The following CNTN5 variants were observed in gnomAD, a reference collection of about 807,000 sequenced individuals.
CNTN5 encodes the protein contactin-5.
CNTN5 carries 77 observed loss-of-function variants against 129.1 expected under a neutral mutation model. The observed-to-expected ratio is 0.60, with a 90% CI of 0.50 to 0.72. The LOEUF (loss-of-function observed/expected upper bound fraction) is 0.72. CNTN5 is among the 30% of genes least tolerant of loss of function. The pLI is 0.00. For synonymous variants in CNTN5, 509 were observed against 465.6 expected, an observed-to-expected ratio of 1.09 and a Z score of -1.20; for missense variants, 1,478 against 1,328.8, an observed-to-expected ratio of 1.11 and a Z score of -1.75.
At chr11:99,671,854 G>A (rs1331560017) in intron 3 of CNTN5, among the ~76,000 whole-genome samples, 1 of 152,106 alleles carries the variant, frequency 6.6e-6, no homozygotes, top group Non-Finnish European at 1.5e-5. Context: ...CCCTCTCCAA[G>A]TTAAAGAAAT....
chr11:100,102,069 A>C (rs112625234), intron 13 of CNTN5, among the ~76,000 whole-genome samples: 2,090 of 152,068 alleles, frequency 0.014, 31 homozygotes, highest in East Asian at 0.042. Flanking sequence ...ATAATGACTT[A>C]TTTTCCTTTG....
At chr11:99,205,276 A>G (rs1337247812) in intron 1 of CNTN5, among the ~76,000 whole-genome samples, 8 of 152,134 alleles carry the variant, frequency 5.3e-5, no homozygotes, top group African/African-American at 1.9e-4. Flanking sequence ...TTAGCAAATC[A>G]TATTTCTCAT....
chr11:99,857,034 C>T (rs1948059604), intron 6 of CNTN5, among the ~76,000 whole-genome samples: 2 of 150,856 alleles, frequency 1.3e-5, no homozygotes, highest in African/African-American at 2.4e-5. Flanking sequence ...ATCTCTATCT[C>T]CCTCTCTCTC....
rs1565375154 is a variant in CNTN5 at position 100,255,447 on chromosome 11, G to T, written c.2006-313G>T. ...TGTAAACTGATTGATTTCAGCAGCT[G>T]CATTTGATACTGGCATTCACATCTT... On this transcript the variant is annotated intron_variant, in intron 16 of 24. Transcript: ENST00000524871. 2.0e-5 allele frequency among the ~76,000 whole-genome samples: 3 copies of T among 152,092 alleles called. No individual in the cohort carries two copies. In the East Asian group the frequency reaches 5.8e-4, roughly 29 times the overall value.
chr11:99,146,690 T>C (rs1859800369), intron 1 of CNTN5, among the ~76,000 whole-genome samples: 1 of 152,186 alleles, frequency 6.6e-6, no homozygotes, highest in African/African-American at 2.4e-5. Flanking sequence ...TCCATATTTA[T>C]TTACAATGAG....
intron 1 of CNTN5, among the ~76,000 whole-genome samples, chr11:99,260,956 G>T (rs1862598515): frequency 6.6e-6 from 1 of 151,856 alleles, no homozygotes; most frequent in Non-Finnish European, 1.5e-5. Context: ...GAATGGTATT[G>T]CATAGCTACT....
intron 2 of CNTN5, among the ~76,000 whole-genome samples, chr11:99,482,997 A>G (rs906861704): frequency 6.6e-6 from 1 of 151,926 alleles, no homozygotes; most frequent in Non-Finnish European, 1.5e-5. Context: ...AATATGGTTA[A>G]AGCCTGTCTC....
rs1947008007 is a variant in CNTN5 at position 100,150,186 on chromosome 11, A to T, written c.1581-40940A>T. On this transcript the variant is annotated intron_variant, in intron 13 of 24. Coordinates refer to ENST00000524871, the MANE Select transcript of CNTN5 (RefSeq NM_014361.4). ...AGGTAATTTATCACCTATAGAGAGA[A>T]GATTTTTCTCAATTAAATATATTAT... 2.0e-5 allele frequency among the ~76,000 whole-genome samples: 3 copies of T among 152,166 alleles called. No homozygotes were observed. In the South Asian group the frequency reaches 6.2e-4, roughly 32 times the overall value.
intron 2 of CNTN5, among the ~76,000 whole-genome samples, chr11:99,537,962 G>A (rs207472251): frequency 2.0e-5 from 3 of 152,166 alleles, no homozygotes; most frequent in African/African-American, 7.2e-5. Context: ...CATTGAAAAT[G>A]TGAAGTGTGG....
At chr11:100,288,644 C>A (rs1189868258) in intron 18 of CNTN5, among the ~76,000 whole-genome samples, 3 of 151,514 alleles carry the variant, frequency 2.0e-5, no homozygotes, top group Non-Finnish European at 4.4e-5. Flanking sequence ...TAAATGCCCA[C>A]AAGAGAAAGC....
At chr11:99,769,884 C>A (rs541948680) in intron 3 of CNTN5, among the ~76,000 whole-genome samples, 1 of 151,288 alleles carries the variant, frequency 6.6e-6, no homozygotes, top group African/African-American at 2.4e-5. Context: ...ATGGTATAGA[C>A]AAACAGCCTT....
chr11:100,223,690 C>A (rs970706957), intron 15 of CNTN5, among the ~76,000 whole-genome samples: 2 of 151,916 alleles, frequency 1.3e-5, no homozygotes, highest in Admixed American at 1.3e-4. Context: ...TTTTTGAGTT[C>A]TTTGATGTCA....
rs377243419 is a variant in CNTN5 at position 99,735,240 on chromosome 11, T to C, written c.56-84304T>C. Among the ~76,000 whole-genome samples the C allele has an allele frequency of 4.6e-5, 7 of 152,130 alleles. No individual in the cohort carries two copies. The East Asian group carries it at 1.2e-3, about 25-fold the overall frequency. On this transcript the variant is annotated intron_variant, in intron 3 of 24. Transcript: ENST00000524871. The stretch of plus-strand genomic sequence containing the variant: ...CTCCTGAAAATCCCAATGAAGGATT[T>C]TTATCAGAATTCACCTTCCTGTAAA...
chr11:99,137,609 G>C (rs985225033), intron 1 of CNTN5, among the ~76,000 whole-genome samples: 6 of 152,072 alleles, frequency 3.9e-5, no homozygotes, highest in African/African-American at 1.4e-4. Context: ...TTATCTAAAG[G>C]TATAAGTATT....
chr11:99,824,537 A>G lies in CNTN5; in HGVS notation c.277+4772A>G, dbSNP rs188745709. Reference sequence around the variant, plus strand: ...TTGCGGATATATTTTCTCAGAATGTAACTTAACTTTTTACTTTGTCAGTAG... The same window carrying G: ...TTGCGGATATATTTTCTCAGAATGTGACTTAACTTTTTACTTTGTCAGTAG... On this transcript the variant is annotated intron_variant, in intron 4 of 24. Transcript: ENST00000524871. 6.5e-3 allele frequency among the ~76,000 whole-genome samples: 994 copies of G among 152,090 alleles called. 7 individuals are homozygous for G. Among genetic ancestry groups the G allele is most frequent in the Non-Finnish European group, 9.1e-3 (617 of 67,846 alleles).
At chr11:99,266,302 C>A (rs1211117330) in intron 1 of CNTN5, among the ~76,000 whole-genome samples, 1 of 152,036 alleles carries the variant, frequency 6.6e-6, no homozygotes, top group Non-Finnish European at 1.5e-5. Flanking sequence ...GAGATGATTT[C>A]AAGTATAGAG....
chr11:99,782,975 A>G (rs1250135394), intron 3 of CNTN5, among the ~76,000 whole-genome samples: 1 of 151,748 alleles, frequency 6.6e-6, no homozygotes, highest in Non-Finnish European at 1.5e-5. Context: ...AAAATTGACA[A>G]ATGGGATCTA....
chr11:99,382,654 T>C (rs1002823842), intron 2 of CNTN5, among the ~76,000 whole-genome samples: 1 of 151,980 alleles, frequency 6.6e-6, no homozygotes, highest in Admixed American at 6.6e-5. Context: ...TGACTTGAAC[T>C]CCTGAGACTT....
chr11:99,846,314 C>T (rs558680141), intron 6 of CNTN5, among the ~76,000 whole-genome samples: 3 of 141,152 alleles, frequency 2.1e-5, no homozygotes, highest in Non-Finnish European at 3.0e-5. Flanking sequence ...GCCGAGATTG[C>T]GCCACCACAC....
Sources: allele counts gnomAD v4.1 joint callset (sites outside exome capture counted in the v4.1 genomes callset), GRCh38; gene constraint gnomAD v4.1.1; transcripts MANE v1.5; gene names NCBI Gene and HGNC (gene_info 2026-07-23, HGNC 2026-07-21).